Variants in THSD7A observed in about 807,000 individuals in gnomAD.
THSD7A encodes thrombospondin type 1 domain containing 7A.
THSD7A carries 96 observed loss-of-function variants against 231.3 expected under a neutral mutation model. The ratio of observed to expected loss-of-function variants is 0.41; its 90% CI spans 0.35 to 0.49. The LOEUF is 0.49. Ranked by LOEUF, THSD7A falls within the 20% of genes least tolerant of loss-of-function variation. The probability of loss-of-function intolerance (pLI) is 0.05; values close to 1 mark genes in which losing one functional copy is unlikely to be tolerated. For missense variants in THSD7A, 2,290 were observed against 2,070.2 expected, an observed-to-expected ratio of 1.11 and a Z score of -2.06; for synonymous variants, 940 against 743.3, an observed-to-expected ratio of 1.26 and a Z score of -4.30.
chr7:11,432,465 T>A (rs1784505495), intron 13 of THSD7A, among the ~76,000 whole-genome samples: 1 of 152,112 alleles, frequency 6.6e-6, no homozygotes, highest in Non-Finnish European at 1.5e-5. Context: ...CGTATTCCCT[T>A]GCAGCCACTG....
intron 2 of THSD7A, among the ~76,000 whole-genome samples, chr7:11,635,893 T>C (rs1190273275): frequency 2.0e-5 from 3 of 152,120 alleles, no homozygotes; most frequent in Non-Finnish European, 4.4e-5. Context: ...GAATTGCTCA[T>C]GCTCCAGACT....
intron 1 of THSD7A, among the ~76,000 whole-genome samples, chr7:11,829,472 T>C (rs1459899764): frequency 6.6e-6 from 1 of 152,110 alleles, no homozygotes; most frequent in Non-Finnish European, 1.5e-5. Flanking sequence ...CATACACAGT[T>C]TGAGTTCCTG....
At chr7:11,440,729 T>C (rs1328756202) in intron 13 of THSD7A, among the ~76,000 whole-genome samples, 1 of 152,052 alleles carries the variant, frequency 6.6e-6, no homozygotes, top group Non-Finnish European at 1.5e-5. Flanking sequence ...GATGAGGAAT[T>C]GCTTCTCATG....
At chr7:11,467,572 A>C (rs62438194) in intron 9 of THSD7A, among the ~76,000 whole-genome samples, 20,812 of 152,158 alleles carry the variant, frequency 0.14, 1,723 homozygotes, top group Non-Finnish European at 0.19. Flanking sequence ...ATTCATTCTC[A>C]TCTATCTGCT....
intron 6 of THSD7A, among the ~76,000 whole-genome samples, chr7:11,538,289 A>C (rs1410456088): frequency 1.3e-5 from 2 of 152,246 alleles, no homozygotes; most frequent in Non-Finnish European, 2.9e-5. Context: ...TCACATGGAA[A>C]AGTGTCAATA....
intron 23 of THSD7A, among the ~76,000 whole-genome samples, chr7:11,392,283 G>C (rs1269126665): frequency 6.6e-6 from 1 of 152,006 alleles, no homozygotes; most frequent in Admixed American, 6.5e-5. Flanking sequence ...CACCTGGGAA[G>C]TGCGAGGGGT....
rs527596528 is a variant in THSD7A, at chr7:11,743,557, A to C, written c.190+88200T>G. Among the ~76,000 whole-genome samples the C allele has an allele frequency of 5.3e-5, 8 of 151,958 alleles. No individual in the cohort carries two copies. In the South Asian group the frequency reaches 1.7e-3, roughly 32 times the overall value. ...CTTTTCAGTTACTTCATTTTAATATATCCTTCTTAGTACATTTTAATATAT... is the reference window on the plus strand; with the variant it reads ...CTTTTCAGTTACTTCATTTTAATATCTCCTTCTTAGTACATTTTAATATAT... On this transcript the variant is annotated intron_variant, in intron 1 of 27. Transcript: ENST00000423059.
intron 1 of THSD7A, among the ~76,000 whole-genome samples, chr7:11,709,625 A>G (rs1780886237): frequency 6.6e-6 from 1 of 150,938 alleles, no homozygotes; most frequent in Non-Finnish European, 1.5e-5. Context: ...TAAGGCCTTA[A>G]CAGACACATA....
At chr7:11,581,184 A>T (rs1791144829) in intron 4 of THSD7A, among the ~76,000 whole-genome samples, 6 of 152,064 alleles carry the variant, frequency 3.9e-5, no homozygotes, top group Admixed American at 3.9e-4. Flanking sequence ...AATGTAATTA[A>T]TATTGTTATT....
chr7:11,544,861 G>C (rs1245532417), intron 4 of THSD7A, among the ~76,000 whole-genome samples: 4 of 140,814 alleles, frequency 2.8e-5, no homozygotes, highest in African/African-American at 1.1e-4. Flanking sequence ...TAAATAACTG[G>C]GCACTAATTG....
Position 11,401,395 on chromosome 7 carries a change from A to G in THSD7A, c.4411+400T>C, listed in dbSNP as rs143241514. On this transcript the variant is annotated intron_variant, in intron 23 of 27. Coordinates refer to ENST00000423059, the MANE Select transcript of THSD7A (RefSeq NM_015204.3). ...ACTTTAGTCCTCAGCCTCAAGTGAC[A>G]TCTGAGTAAATTTTTAAATTATTTA... Among the ~76,000 whole-genome samples the G allele has an allele frequency of 4.7e-4, 71 of 152,250 alleles. 1 individual carries two copies. Among genetic ancestry groups the G allele is most frequent in the African/African-American group, 1.7e-3 (71 of 41,548 alleles).
chr7:11,588,070 G>GA (rs942868750), intron 4 of THSD7A, among the ~76,000 whole-genome samples: 5 of 152,296 alleles, frequency 3.3e-5, no homozygotes, highest in African/African-American at 1.2e-4. Context: ...TTCTTGAAAT[G>GA]AGTGTCTTCT....
intron 6 of THSD7A, among the ~76,000 whole-genome samples, chr7:11,510,074 T>G (rs919595616): frequency 7.9e-5 from 12 of 152,094 alleles, no homozygotes; most frequent in Non-Finnish European, 1.5e-4. Context: ...AAGTCATTAT[T>G]TGAAAAAGAT....
chr7:11,562,712 G>T (rs1790125150), intron 4 of THSD7A, among the ~76,000 whole-genome samples: 1 of 151,908 alleles, frequency 6.6e-6, no homozygotes, highest in African/African-American at 2.4e-5. Flanking sequence ...ATGGCTTTCT[G>T]TTCCCTTTTT....
At chr7:11,410,633 G>T (rs903014298) in intron 19 of THSD7A, 14 of 152,180 alleles carry the variant, frequency 9.2e-5, no homozygotes, top group African/African-American at 3.4e-4. Context: ...ACATCTAGGT[G>T]TGACATTACT....
rs1680036721 is a variant in THSD7A at position 11,406,511 on chromosome 7, G to A, written c.4063-37C>T. 6.4e-7 allele frequency: 1 copy of A among 1,556,056 alleles called. No homozygotes were observed. ...GAAGAAATAACTAATTAGAAAAAGA[G>A]AAATACTTCATTAGAGAGCTCATCA... On this transcript the variant is annotated intron_variant, in intron 21 of 27. Coordinates refer to ENST00000423059, the MANE Select transcript of THSD7A (RefSeq NM_015204.3). The surrounding 1 kb of genome is among the most constrained non-coding windows in gnomAD (Gnocchi z 4.7).
chr7:11,825,359 A>G (rs1248446679), intron 1 of THSD7A, among the ~76,000 whole-genome samples: 1 of 152,148 alleles, frequency 6.6e-6, no homozygotes, highest in Non-Finnish European at 1.5e-5. Context: ...TAAGATGTAA[A>G]CAGTGGTTTG....
At chr7:11,658,043 T>A (rs1298422470) in intron 1 of THSD7A, among the ~76,000 whole-genome samples, 1 of 151,660 alleles carries the variant, frequency 6.6e-6, no homozygotes, top group African/African-American at 2.4e-5. Context: ...CCCTGCTAGC[T>A]TCAACAAGGG....
chr7:11,571,485 G>C (rs1339775937), intron 4 of THSD7A, among the ~76,000 whole-genome samples: 2 of 152,128 alleles, frequency 1.3e-5, no homozygotes, highest in South Asian at 2.1e-4. Context: ...CTTGTTCTAA[G>C]TGCAGTATAT....
Sources: gnomAD v4.1 joint callset for allele counts (sites outside exome capture counted in the v4.1 genomes callset) on GRCh38, gnomAD v4.1.1 for gene constraint, Gnocchi (gnomAD v3.1) non-coding constraint, MANE v1.5 for transcripts, NCBI Gene and HGNC (gene_info 2026-07-23, HGNC 2026-07-21) for gene names.